DCAF5: variants seen among roughly 807,000 people sequenced by gnomAD.
The protein encoded by DCAF5 is DDB1 and CUL4 associated factor 5.
In DCAF5, 9 loss-of-function variants were observed where a neutral mutation model predicts 80.7. The ratio of observed to expected loss-of-function variants is 0.11; its 90% CI spans 0.07 to 0.19. DCAF5 has a LOEUF of 0.19. Among genes scored for constraint, DCAF5 ranks in the 10% least tolerant of loss-of-function variants. The probability of loss-of-function intolerance (pLI) is 1.00; values close to 1 mark genes in which losing one functional copy is unlikely to be tolerated. For synonymous variants in DCAF5, 433 were observed against 461.9 expected (o/e 0.94, Z 0.80); for missense variants, 842 against 1,205.7 (o/e 0.70, Z 4.47).
At chr14:69,122,434 G>C in intron 1 of DCAF5, 74 bp from the exon 2 acceptor site, 2 of 1,528,452 alleles carry the variant, frequency 1.3e-6, no homozygotes, top group Non-Finnish European at 1.8e-6. Flanking sequence ...TGCCAGCCTT[G>C]AATCCCATCC....
In DCAF5 at chr14:69,105,943, A is replaced by ATATATATATATATATATATATATATATC. The variant is rs1223858774; in HGVS notation, c.665+10422_665+10423insGATATATATATATATATATATATATATA. On this transcript the variant is annotated intron_variant, in intron 5 of 8. Transcript: ENST00000341516. ...TATATATATATATATATATATATAT[A>ATATATATATATATATATATATATATATC]TATCTCCTATTGGTTCTGTTCCTCT... is the stretch of plus-strand genomic sequence containing the variant. Among the ~76,000 whole-genome samples the ATATATATATATATATATATATATATATC allele has an allele frequency of 9.4e-5, 7 of 74,200 alleles. 1 individual carries two copies. Among genetic ancestry groups the ATATATATATATATATATATATATATATC allele is most frequent in the East Asian group, 5.7e-4 (2 of 3,532 alleles). 48.7% of individuals were successfully genotyped at this position (74,200 alleles called of 152,430 possible).
intron 5 of DCAF5, among the ~76,000 whole-genome samples, chr14:69,096,437 ATTTAAG>A (rs2039718541): frequency 6.6e-6 from 1 of 152,212 alleles, no homozygotes; most frequent in African/African-American, 2.4e-5. Flanking sequence ...ATCTCCATAA[ATTTAAG>A]TTTGACTGAA....
intron 6 of DCAF5, among the ~76,000 whole-genome samples, chr14:69,077,740 G>T (rs1381661329): frequency 6.6e-6 from 1 of 152,126 alleles, no homozygotes; most frequent in Non-Finnish European, 1.5e-5. Context: ...CCCAAAAAGT[G>T]TAAGTCCAAC....
intron 1 of DCAF5, among the ~76,000 whole-genome samples, chr14:69,128,935 T>C (rs891374167): frequency 5.3e-5 from 8 of 151,898 alleles, no homozygotes; most frequent in African/African-American, 9.7e-5. Context: ...CTGGGCAACA[T>C]AGTGAGACTT....
At chr14:69,108,113 A>G (rs151172229) in intron 5 of DCAF5, among the ~76,000 whole-genome samples, 117 of 152,358 alleles carry the variant, frequency 7.7e-4, no homozygotes, top group African/African-American at 2.8e-3. Flanking sequence ...AATGTGCAAC[A>G]TGAATGCCAC....
Position 69,084,605 on chromosome 14 carries a change from GAA to G in DCAF5, c.879+7067_879+7068del, listed in dbSNP as rs2039245950. On this transcript the variant is annotated intron_variant, in intron 6 of 8. Transcript: ENST00000341516. ...GCAGGGATATGTTGTTTGTCCTTCT[GAA>G]AAGAGATTCCTTCTACTCTTTACAT... 13 of 873,538 alleles carry G rather than the reference GAA, an allele frequency of 1.5e-5. No homozygotes were observed. The South Asian group carries it at 1.5e-4, about 10-fold the overall frequency. 54.1% of individuals were successfully genotyped at this position (873,538 alleles called of 1,614,324 possible). A position where few individuals can be genotyped will look rare whatever the true frequency, so the allele number is the denominator to read the frequency against.
rs920655945 is a variant in DCAF5 at position 69,118,925 on chromosome 14, A to T, written c.395+269T>A. On this transcript the variant is annotated intron_variant, in intron 3 of 8. Transcript: ENST00000341516. The surrounding 1 kb of genome is among the most constrained non-coding windows in gnomAD (Gnocchi z 4.0). Reference sequence around the variant, plus strand: ...TTAGCTATTACTGTTCTTAAATATTATGGTTCCTTCTCTTCTAAACTCTTG... The same window carrying T: ...TTAGCTATTACTGTTCTTAAATATTTTGGTTCCTTCTCTTCTAAACTCTTG... Among the ~76,000 whole-genome samples the T allele has an allele frequency of 3.0e-4, 45 of 152,224 alleles. 1 individual carries two copies. The highest frequency in any genetic ancestry group is 6.0e-4 in the Non-Finnish European group (41 of 68,038).
chr14:69,134,888 T>C (rs1236933635), intron 1 of DCAF5, among the ~76,000 whole-genome samples: 1 of 152,222 alleles, frequency 6.6e-6, no homozygotes, highest in Non-Finnish European at 1.5e-5. Context: ...ATATCGAATG[T>C]ATCTTAAAAA....
intron 1 of DCAF5, among the ~76,000 whole-genome samples, chr14:69,145,319 T>C (rs913634782): frequency 1.3e-5 from 2 of 152,176 alleles, no homozygotes; most frequent in African/African-American, 4.8e-5. Flanking sequence ...CACCTGGCCT[T>C]AATTTACTTA....
chr14:69,058,271 C>A (rs1489432654), intron 8 of DCAF5, among the ~76,000 whole-genome samples: 1 of 150,976 alleles, frequency 6.6e-6, no homozygotes, highest in African/African-American at 2.4e-5. Flanking sequence ...GTAATCCTAG[C>A]ACTTTGGGAG....
intron 6 of DCAF5, chr14:69,083,984 G>A (rs2039217972): frequency 1.8e-5 from 14 of 781,542 alleles, no homozygotes; most frequent in Non-Finnish European, 3.3e-5. Flanking sequence ...TTACAAACGT[G>A]ACTGAAATTC....
Position 69,084,981 on chromosome 14 carries a change from T to C in DCAF5, c.879+6693A>G, listed in dbSNP as rs145579704. 3.4e-4 allele frequency: 488 copies of C among 1,416,126 alleles called. 8 individuals are homozygous for C. The East Asian group carries it at 0.011, about 32-fold the overall frequency. 87.7% of individuals were successfully genotyped at this position (1,416,126 alleles called of 1,614,324 possible). ...CTTGCTCATTTTGCACCCAGAAGAATTGGGTTTTCTTCACTACCTGAAATG... is the reference window on the plus strand; with the variant it reads ...CTTGCTCATTTTGCACCCAGAAGAACTGGGTTTTCTTCACTACCTGAAATG... On this transcript the variant is annotated intron_variant, in intron 6 of 8. Transcript: ENST00000341516.
chr14:69,134,919 A>G (rs1208490110), intron 1 of DCAF5, among the ~76,000 whole-genome samples: 7 of 152,226 alleles, frequency 4.6e-5, no homozygotes, highest in Non-Finnish European at 8.8e-5. Flanking sequence ...ATTCACACCC[A>G]TTGACTCAGA....
intron 1 of DCAF5, among the ~76,000 whole-genome samples, chr14:69,139,367 ACATCAC>A (rs2140109722): frequency 6.6e-6 from 1 of 152,084 alleles, no homozygotes; most frequent in South Asian, 2.1e-4. Flanking sequence ...ACATAGGTGT[ACATCAC>A]CTATGTGTCC....
At chr14:69,141,233 C>G (rs2041364476) in intron 1 of DCAF5, among the ~76,000 whole-genome samples, 1 of 151,178 alleles carries the variant, frequency 6.6e-6, no homozygotes, top group African/African-American at 2.4e-5. Context: ...TAGAGGCATC[C>G]CATAGTGAAT....
At chr14:69,134,483 G>A (rs1210446417) in intron 1 of DCAF5, among the ~76,000 whole-genome samples, 2 of 152,164 alleles carry the variant, frequency 1.3e-5, no homozygotes, top group African/African-American at 4.8e-5. Context: ...TGGAGAACAG[G>A]CACATTTACG....
chr14:69,066,649 GA>G (rs753232686), intron 7 of DCAF5, among the ~76,000 whole-genome samples: 5 of 152,302 alleles, frequency 3.3e-5, no homozygotes, highest in Non-Finnish European at 7.3e-5. Context: ...GATCCCAGGG[GA>G]AAACACCTTG....
chr14:69,065,337 C>T (rs543869219), intron 7 of DCAF5, among the ~76,000 whole-genome samples: 7 of 152,236 alleles, frequency 4.6e-5, no homozygotes, highest in East Asian at 1.9e-4. Flanking sequence ...CCTCATGATC[C>T]ACCCGCCTCG....
chr14:69,093,230 G>A (rs1030915542), intron 5 of DCAF5, among the ~76,000 whole-genome samples: 7 of 152,150 alleles, frequency 4.6e-5, no homozygotes, highest in African/African-American at 1.7e-4. Context: ...TTACTGGCAG[G>A]AAAGTGAAGT....
Sources: gnomAD v4.1 joint callset for allele counts (sites outside exome capture counted in the v4.1 genomes callset) on GRCh38, gnomAD v4.1.1 for gene constraint, Gnocchi (gnomAD v3.1) non-coding constraint, MANE v1.5 for transcripts, NCBI Gene and HGNC (gene_info 2026-07-23, HGNC 2026-07-21) for gene names.